STPG2: variants seen among roughly 807,000 people sequenced by gnomAD.
The protein encoded by STPG2 is sperm-tail PG-rich repeat-containing protein 2.
A neutral mutation model predicts 54.2 loss-of-function variants in STPG2; 56 were observed. The ratio of observed to expected loss-of-function variants is 1.03; its 90% CI spans 0.83 to 1.29. The LOEUF (loss-of-function observed/expected upper bound fraction) is 1.29, where lower values mean the gene tolerates loss of function less well. Ranked by LOEUF, STPG2 falls within the 50% of genes most tolerant of loss-of-function variation. The pLI is 0.00. For missense variants in STPG2, 596 were observed against 544.9 expected (o/e 1.09, Z -0.93); for synonymous variants, 200 against 181.8 (o/e 1.10, Z -0.81).
chr4:97,803,113 CTACTCAATACTAA>C (rs1727448438), intron 9 of STPG2, among the ~76,000 whole-genome samples: 1 of 152,036 alleles, frequency 6.6e-6, no homozygotes, highest in Non-Finnish European at 1.5e-5. Context: ...GCTTCCAGGC[CTACTCAATACTAA>C]GACCCAATAT....
intron 10 of STPG2, among the ~76,000 whole-genome samples, chr4:97,663,848 T>C (rs1722446251): frequency 6.6e-6 from 1 of 152,196 alleles, no homozygotes; most frequent in South Asian, 2.1e-4. Flanking sequence ...GATGAATTTG[T>C]AATCTTAAAA....
At chr4:97,973,555 C>A (rs558458782) in intron 6 of STPG2, among the ~76,000 whole-genome samples, 1 of 152,224 alleles carries the variant, frequency 6.6e-6, no homozygotes, top group Non-Finnish European at 1.5e-5. Flanking sequence ...ATCCCCAAGA[C>A]AATGGGAAAA....
intron 4 of STPG2, among the ~76,000 whole-genome samples, chr4:97,462,695 G>A (rs1032647107): frequency 6.6e-6 from 1 of 151,518 alleles, no homozygotes; most frequent in African/African-American, 2.4e-5. Flanking sequence ...CCAATAATTT[G>A]TTGCTGATAG....
chr4:97,793,630 G>T (rs944936066), intron 9 of STPG2, among the ~76,000 whole-genome samples: 1 of 151,464 alleles, frequency 6.6e-6, no homozygotes, highest in Non-Finnish European at 1.5e-5. Flanking sequence ...AATGCAAAAA[G>T]AAACAATAAA....
chr4:97,594,903 C>T (rs964501796), intron 10 of STPG2, among the ~76,000 whole-genome samples: 4 of 152,122 alleles, frequency 2.6e-5, no homozygotes, highest in African/African-American at 9.7e-5. Flanking sequence ...CAAGGAGATA[C>T]CATCTCACAC....
In STPG2 at chr4:97,807,033, T is replaced by A. The variant is rs376604080; in HGVS notation, c.1204+33740A>T. On this transcript the variant is annotated intron_variant, in intron 9 of 10. Coordinates refer to ENST00000295268, the MANE Select transcript of STPG2 (RefSeq NM_174952.3). ...TCAAATAATATTCCAGTTGCTTGAT[T>A]TTCTGTGTTATGTTACATATTCCAT... is the stretch of plus-strand genomic sequence containing the variant. 2.0e-5 allele frequency among the ~76,000 whole-genome samples: 3 copies of A among 152,058 alleles called. No individual in the cohort carries two copies. The East Asian group carries it at 5.8e-4, about 29-fold the overall frequency.
intron 10 of STPG2, among the ~76,000 whole-genome samples, chr4:97,680,054 G>T (rs1722982825): frequency 6.6e-6 from 1 of 152,100 alleles, no homozygotes; most frequent in Non-Finnish European, 1.5e-5. Context: ...TTGAAATCAG[G>T]TAGTGTGATG....
At chr4:97,942,885 T>C (rs1733044256) in intron 8 of STPG2, among the ~76,000 whole-genome samples, 1 of 152,220 alleles carries the variant, frequency 6.6e-6, no homozygotes, top group Non-Finnish European at 1.5e-5. Flanking sequence ...CTCAAGATAG[T>C]CCAATTTCTA....
chr4:97,938,375 C>A (rs996198021), intron 8 of STPG2, among the ~76,000 whole-genome samples: 2 of 152,048 alleles, frequency 1.3e-5, no homozygotes, highest in Non-Finnish European at 2.9e-5. Flanking sequence ...CTGTCTTAGG[C>A]AGCCGGCAGC....
intron 1 of STPG2, among the ~76,000 whole-genome samples, chr4:98,136,415 C>T (rs1236754187): frequency 1.4e-5 from 2 of 147,122 alleles, no homozygotes; most frequent in Non-Finnish European, 3.0e-5. Context: ...ATTAGCCTAA[C>T]GTTGGGGAAA....
intron 9 of STPG2, among the ~76,000 whole-genome samples, chr4:97,826,788 C>G (rs780219761): frequency 3.9e-5 from 6 of 152,122 alleles, no homozygotes; most frequent in Non-Finnish European, 8.8e-5. Flanking sequence ...ATGGGAAACT[C>G]CTATAATTCT....
chr4:97,575,429 G>A (rs887119733), intron 10 of STPG2, among the ~76,000 whole-genome samples: 4 of 151,958 alleles, frequency 2.6e-5, no homozygotes, highest in Admixed American at 6.6e-5. Flanking sequence ...CACCAAAGTC[G>A]AGTAGGCTTT....
At chr4:97,737,119 A>G (rs1227306526) in intron 9 of STPG2, among the ~76,000 whole-genome samples, 1 of 152,224 alleles carries the variant, frequency 6.6e-6, no homozygotes, top group Non-Finnish European at 1.5e-5. Flanking sequence ...GTGGACCTCT[A>G]GCAAACTCCA....
At chr4:97,959,229 G>C (rs772354082) in intron 7 of STPG2, among the ~76,000 whole-genome samples, 50 of 152,102 alleles carry the variant, frequency 3.3e-4, no homozygotes, top group Admixed American at 2.3e-3. Flanking sequence ...GTAGTGCTAA[G>C]AGGAAAGTTC....
intron 5 of STPG2, among the ~76,000 whole-genome samples, chr4:98,045,321 C>G (rs1340953001): frequency 6.6e-6 from 1 of 152,098 alleles, no homozygotes; most frequent in Non-Finnish European, 1.5e-5. Flanking sequence ...CATAGCACTG[C>G]TAATGTAAAT....
At chr4:97,887,214 G>A (rs1730602948) in intron 8 of STPG2, among the ~76,000 whole-genome samples, 1 of 152,186 alleles carries the variant, frequency 6.6e-6, no homozygotes, top group African/African-American at 2.4e-5. Context: ...CTTTGGAACT[G>A]GGTAATGAGC....
At chr4:97,549,119 G>A (rs1158664050) in intron 4 of STPG2, among the ~76,000 whole-genome samples, 3 of 152,078 alleles carry the variant, frequency 2.0e-5, no homozygotes, top group Non-Finnish European at 4.4e-5. Flanking sequence ...ACAGATCAGA[G>A]TACCAGTTTC....
chr4:98,053,077 G>C (rs143244354), intron 5 of STPG2, among the ~76,000 whole-genome samples: 1 of 152,294 alleles, frequency 6.6e-6, no homozygotes, highest in African/African-American at 2.4e-5. Flanking sequence ...TGGCTGGCTA[G>C]TTGGTTAGTT....
Position 97,878,714 on chromosome 4 carries a change from T to G in STPG2, c.1045-37782A>C. 2.0e-5 allele frequency among the ~76,000 whole-genome samples: 3 copies of G among 152,184 alleles called. 1 individual carries two copies. The highest frequency in any genetic ancestry group is 4.4e-5 in the Non-Finnish European group (3 of 68,024). On this transcript the variant is annotated intron_variant, in intron 8 of 10. Coordinates refer to ENST00000295268, the MANE Select transcript of STPG2 (RefSeq NM_174952.3). Reference sequence around the variant, plus strand: ...GATGGGAGGGGCTGCTCTGAAGACCTCTGACATGCCCTGAAGACATTTTCC... The same window carrying G: ...GATGGGAGGGGCTGCTCTGAAGACCGCTGACATGCCCTGAAGACATTTTCC...
Sources: gnomAD v4.1 joint callset for allele counts (sites outside exome capture counted in the v4.1 genomes callset) on GRCh38, gnomAD v4.1.1 for gene constraint, MANE v1.5 for transcripts, NCBI Gene and HGNC (gene_info 2026-07-23, HGNC 2026-07-21) for gene names.